Variants in CTNNA2 observed in about 807,000 individuals in gnomAD.
The protein encoded by CTNNA2 is catenin alpha 2, also known as catenin alpha-2.
A neutral mutation model predicts 101.0 loss-of-function variants in CTNNA2; 42 were observed. That is an observed-to-expected ratio of 0.42 (90% CI 0.32 to 0.54). The LOEUF is 0.54. Ranked by LOEUF, CTNNA2 falls within the 20% of genes least tolerant of loss-of-function variation. The probability of loss-of-function intolerance (pLI) is 0.14; values close to 1 mark genes in which losing one functional copy is unlikely to be tolerated. For missense variants in CTNNA2, 871 were observed against 1,223.1 expected (o/e 0.71, Z 4.29); for synonymous variants, 450 against 456.4 (o/e 0.99, Z 0.18).
intron 2 of CTNNA2, among the ~76,000 whole-genome samples, chr2:79,298,855 T>C (rs1676041864): frequency 6.6e-6 from 1 of 152,202 alleles, no homozygotes. Flanking sequence ...CACAAATCTG[T>C]GTCTGATGCA....
intron 4 of CTNNA2, among the ~76,000 whole-genome samples, chr2:79,458,870 C>T (rs1670850849): frequency 6.6e-6 from 1 of 151,966 alleles, no homozygotes. Context: ...TGATGCTGCC[C>T]ACTGTGAAAC....
intron 7 of CTNNA2, among the ~76,000 whole-genome samples, chr2:80,103,094 T>C (rs1391042458): frequency 1.3e-5 from 2 of 152,204 alleles, no homozygotes; most frequent in Non-Finnish European, 2.9e-5. Flanking sequence ...CAGTCACATA[T>C]ACTGAGTTTC....
chr2:79,928,450 ACTATT>A (rs1687177384), intron 7 of CTNNA2, among the ~76,000 whole-genome samples: 1 of 152,166 alleles, frequency 6.6e-6, no homozygotes, highest in Admixed American at 6.6e-5. Context: ...CCAGAAATAT[ACTATT>A]CTATTCATTA....
At chr2:79,411,865 A>T (rs1009310130) in intron 4 of CTNNA2, among the ~76,000 whole-genome samples, 2 of 152,182 alleles carry the variant, frequency 1.3e-5, no homozygotes, top group African/African-American at 4.8e-5. Context: ...AGCTAACATC[A>T]TAATGACAGA....
intron 1 of CTNNA2, among the ~76,000 whole-genome samples, chr2:79,586,647 A>G (rs1676510429): frequency 6.6e-6 from 1 of 151,940 alleles, no homozygotes; most frequent in Non-Finnish European, 1.5e-5. Flanking sequence ...TCTGTTGGAA[A>G]GATTTGAATT....
At chr2:80,105,631 G>A (rs1700835271) in intron 7 of CTNNA2, among the ~76,000 whole-genome samples, 1 of 152,070 alleles carries the variant, frequency 6.6e-6, no homozygotes, top group South Asian at 2.1e-4. Context: ...CAGCTATTTG[G>A]GAGGCTGAGG....
intron 2 of CTNNA2, among the ~76,000 whole-genome samples, chr2:79,308,117 T>C (rs558246539): frequency 6.6e-5 from 10 of 152,188 alleles, no homozygotes; most frequent in Non-Finnish European, 1.5e-4. Context: ...TGATCTCGGC[T>C]CACTGCAAGC....
intron 3 of CTNNA2, among the ~76,000 whole-genome samples, chr2:79,799,487 T>G: frequency 6.6e-6 from 1 of 152,184 alleles, no homozygotes; most frequent in East Asian, 1.9e-4. Context: ...AAATGAGCCC[T>G]ATTGTATTGT....
chr2:80,204,538 A>G (rs1333607595), intron 7 of CTNNA2, among the ~76,000 whole-genome samples: 1 of 152,208 alleles, frequency 6.6e-6, no homozygotes, highest in Admixed American at 6.5e-5. Context: ...TAAGTTCCTT[A>G]TCTCCATCTG....
At chr2:79,531,791 C>T (rs986968950) in intron 1 of CTNNA2, among the ~76,000 whole-genome samples, 34 of 151,820 alleles carry the variant, frequency 2.2e-4, no homozygotes, top group African/African-American at 7.7e-4. Context: ...AAGTGATTCT[C>T]CTGCCTCTGG....
At chr2:80,092,848 A>G (rs2148823124) in intron 7 of CTNNA2, among the ~76,000 whole-genome samples, 1 of 152,216 alleles carries the variant, frequency 6.6e-6, no homozygotes, top group Non-Finnish European at 1.5e-5. Flanking sequence ...ATGATTTGAA[A>G]AACAAGCATT....
At chr2:79,692,674 C>A (rs916208561) in intron 2 of CTNNA2, among the ~76,000 whole-genome samples, 38 of 151,936 alleles carry the variant, frequency 2.5e-4, no homozygotes, top group African/African-American at 8.5e-4. Flanking sequence ...CACATATATA[C>A]CATGGAATAC....
intron 7 of CTNNA2, among the ~76,000 whole-genome samples, chr2:79,992,340 A>G (rs903446266): frequency 1.3e-5 from 2 of 152,226 alleles, no homozygotes; most frequent in South Asian, 2.1e-4. Flanking sequence ...TGCTTTGAAA[A>G]TTAGACATAC....
chr2:79,617,863 G>T (rs988372102), intron 1 of CTNNA2, among the ~76,000 whole-genome samples: 1 of 152,078 alleles, frequency 6.6e-6, no homozygotes, highest in Non-Finnish European at 1.5e-5. Context: ...TTCCTCTTAT[G>T]CATCACAAAA....
intron 7 of CTNNA2, among the ~76,000 whole-genome samples, chr2:79,951,601 G>T (rs892140867): frequency 1.3e-5 from 2 of 152,066 alleles, no homozygotes; most frequent in Non-Finnish European, 2.9e-5. Flanking sequence ...GGAGGCAGAG[G>T]TTGCAGTGAG....
intron 3 of CTNNA2, among the ~76,000 whole-genome samples, chr2:79,826,669 A>AT (rs1678461740): frequency 1.3e-5 from 2 of 152,200 alleles, no homozygotes; most frequent in Non-Finnish European, 2.9e-5. Context: ...TGCTTCTATG[A>AT]GAAGTTTATT....
intron 7 of CTNNA2, among the ~76,000 whole-genome samples, chr2:80,336,010 T>C (rs1478868797): frequency 3.9e-5 from 6 of 152,206 alleles, no homozygotes; most frequent in Non-Finnish European, 7.3e-5. Context: ...TTATGAAAAC[T>C]TTTTAATGTA....
At position 80,339,843 on chromosome 2, in the gene CTNNA2, A is replaced by T. The variant is rs149832253; in HGVS notation, c.1057-53368A>T. 5.8e-3 allele frequency among the ~76,000 whole-genome samples: 890 copies of T among 152,332 alleles called. 2 individuals are homozygous for T. The highest frequency in any genetic ancestry group is 9.3e-3 in the Non-Finnish European group (632 of 68,016). ...AGCTAGGGGAGATTATTTGGTTTGGAGTAGCTCAAAGATATTTGATCTTGA... is the reference window on the plus strand; with the variant it reads ...AGCTAGGGGAGATTATTTGGTTTGGTGTAGCTCAAAGATATTTGATCTTGA... On this transcript the variant is annotated intron_variant, in intron 7 of 18. Transcript: ENST00000402739.
chr2:79,518,726 C>T (rs1222492188), intron 1 of CTNNA2, among the ~76,000 whole-genome samples: 1 of 152,180 alleles, frequency 6.6e-6, no homozygotes, highest in Non-Finnish European at 1.5e-5. Flanking sequence ...ATCTATCTTT[C>T]AGTGAGGAAG....
Sources: allele counts gnomAD v4.1 joint callset (sites outside exome capture counted in the v4.1 genomes callset), GRCh38; gene constraint gnomAD v4.1.1; transcripts MANE v1.5; gene names NCBI Gene and HGNC (gene_info 2026-07-23, HGNC 2026-07-21).